Variants in AFAP1L2 observed in about 807,000 individuals in gnomAD.
The protein encoded by AFAP1L2 is actin filament associated protein 1 like 2.
Under a neutral mutation model 99.3 loss-of-function variants are expected in AFAP1L2, and 46 were observed. The observed-to-expected ratio is 0.46, with a 90% CI of 0.37 to 0.59. The LOEUF is 0.59. Ranked by LOEUF, AFAP1L2 falls within the 20% of genes least tolerant of loss-of-function variation. The pLI, the probability that AFAP1L2 is intolerant of heterozygous loss-of-function variation, is 0.00. For synonymous variants in AFAP1L2, 397 were observed against 419.1 expected (o/e 0.95, Z 0.64); for missense variants, 959 against 1,034.9 (o/e 0.93, Z 1.01).
At chr10:114,289,619 C>A in the AFAP1L2 span, 1 of 1,001,292 alleles carries the variant, frequency 1.0e-6, no homozygotes, top group Non-Finnish European at 1.5e-6. Context: ...GTGCCAGGTT[C>A]TGTGCTAAAC....
chr10:114,403,203 C>G (rs1268390701), intron 1 of AFAP1L2, among the ~76,000 whole-genome samples: 4 of 152,216 alleles, frequency 2.6e-5, no homozygotes, highest in African/African-American at 4.8e-5. Flanking sequence ...TAACCCTGTC[C>G]CCCACGCCGG....
chr10:114,354,548 G>T (rs1163402685), intron 1 of AFAP1L2, among the ~76,000 whole-genome samples: 1 of 152,180 alleles, frequency 6.6e-6, no homozygotes, highest in African/African-American at 2.4e-5. Context: ...TAGGAGAAGG[G>T]GATGTAGTTG....
chr10:114,381,385 G>A (rs1440268619), intron 1 of AFAP1L2, among the ~76,000 whole-genome samples: 1 of 152,194 alleles, frequency 6.6e-6, no homozygotes, highest in East Asian at 1.9e-4. Flanking sequence ...AGGATGAGGA[G>A]AGGAGGATGT....
chr10:114,369,845 C>T (rs1590647538), intron 1 of AFAP1L2, among the ~76,000 whole-genome samples: 2 of 152,166 alleles, frequency 1.3e-5, no homozygotes, highest in Non-Finnish European at 2.9e-5. Context: ...AAAACCTTTG[C>T]ACTTCAGTCC....
intron 5 of AFAP1L2, among the ~76,000 whole-genome samples, chr10:114,317,000 G>A (rs1409323697): frequency 6.6e-6 from 1 of 152,118 alleles, no homozygotes; most frequent in East Asian, 1.9e-4. Flanking sequence ...TCCTTGTTCT[G>A]TCCCCTTGAG....
intron 12 of AFAP1L2, 56 bp downstream of exon 12, chr10:114,302,282 GC>G: frequency 1.9e-6 from 3 of 1,610,038 alleles, no homozygotes; most frequent in Non-Finnish European, 2.5e-6. Flanking sequence ...CTGACCCAGG[GC>G]CTACAGCATG....
intron 1 of AFAP1L2, among the ~76,000 whole-genome samples, chr10:114,360,617 C>T (rs1428953898): frequency 6.6e-6 from 1 of 151,836 alleles, no homozygotes; most frequent in African/African-American, 2.4e-5. Flanking sequence ...TCTGGAGAAC[C>T]TGACTAGTAC....
At chr10:114,365,940 T>C (rs2053179780) in intron 1 of AFAP1L2, among the ~76,000 whole-genome samples, 1 of 152,054 alleles carries the variant, frequency 6.6e-6, no homozygotes, top group South Asian at 2.1e-4. Flanking sequence ...CTTGCTATAT[T>C]GCCCAGGCTA....
In AFAP1L2 at chr10:114,333,252, G is replaced by A. The variant is rs770560699; in HGVS notation, c.189C>T (p.Asn63=). 4 of 1,613,876 alleles carry A rather than the reference G, an allele frequency of 2.5e-6. No individual in the cohort carries two copies. The African/African-American group carries it at 4.0e-5, about 16-fold the overall frequency. The stretch of plus-strand genomic sequence containing the variant: ...CTTGAGACTCTGCATTCTGTTGCTT[G>A]TTGATGGTCACTTTGTTCATATAAA... ...EYIYMNKVTI[N]KQQNAESQGK... is the part of the protein sequence containing the mutation. The change falls in exon 3 of 19, where the codon AAC becomes AAT. Residue 63 remains asparagine, a synonymous_variant. Transcript: ENST00000304129.
intron 1 of AFAP1L2, among the ~76,000 whole-genome samples, chr10:114,345,096 C>CAAA (rs546367453): frequency 1.3e-5 from 1 of 78,522 alleles, no homozygotes; most frequent in Non-Finnish European, 2.7e-5. Context: ...GACTCCATCT[C>CAAA]AAAAAAAAAA....
intron 1 of AFAP1L2, among the ~76,000 whole-genome samples, chr10:114,357,574 A>G (rs2051584983): frequency 6.6e-6 from 1 of 152,216 alleles, no homozygotes; most frequent in Non-Finnish European, 1.5e-5. Flanking sequence ...CCAATATTCC[A>G]TTGAAAGCAG....
At chr10:114,370,465 T>C (rs940158971) in intron 1 of AFAP1L2, among the ~76,000 whole-genome samples, 1 of 152,226 alleles carries the variant, frequency 6.6e-6, no homozygotes, top group South Asian at 2.1e-4. Flanking sequence ...CAGCAGGCCA[T>C]ACCATTCACA....
intron 1 of AFAP1L2, among the ~76,000 whole-genome samples, chr10:114,347,550 A>T (rs537768637): frequency 6.6e-6 from 1 of 152,210 alleles, no homozygotes; most frequent in African/African-American, 2.4e-5. Flanking sequence ...ATCATGACTC[A>T]CTGCACCCTT....
At chr10:114,320,281 G>C (rs1303836189) in intron 5 of AFAP1L2, among the ~76,000 whole-genome samples, 1 of 152,198 alleles carries the variant, frequency 6.6e-6, no homozygotes, top group Non-Finnish European at 1.5e-5. Context: ...ATGACCCAGG[G>C]GAGCGGTGTG....
chr10:114,356,021 G>T (rs4391747), intron 1 of AFAP1L2, among the ~76,000 whole-genome samples: 147,996 of 152,276 alleles, frequency 0.97, 72,083 homozygotes, highest in East Asian at 1. Context: ...TGTGTGCATA[G>T]GTGTGTGTGC....
At position 114,295,341 on chromosome 10, in the gene AFAP1L2, T is replaced by G; in HGVS notation, c.*701A>C. On this transcript the variant is annotated 3_prime_UTR_variant, in exon 19 of 19. Transcript: ENST00000304129. ...ATTTTTTCCTATATATAATACAGCA[T>G]CACTTAAAATTTTATTTAAAGACAG... 1.0e-6 allele frequency: 1 copy of G among 985,426 alleles called. No individual in the cohort carries two copies. Among genetic ancestry groups the G allele is most frequent in the Non-Finnish European group, 1.2e-6 (1 of 829,526 alleles). 61.0% of individuals were successfully genotyped at this position (985,426 alleles called of 1,614,324 possible).
chr10:114,376,449 G>T (rs2054810261), intron 1 of AFAP1L2, among the ~76,000 whole-genome samples: 1 of 152,188 alleles, frequency 6.6e-6, no homozygotes, highest in Admixed American at 6.5e-5. Flanking sequence ...AGTAGCATCT[G>T]ACTAGCATAT....
chr10:114,324,640 T>C (rs1474231928), intron 4 of AFAP1L2, among the ~76,000 whole-genome samples: 3 of 152,216 alleles, frequency 2.0e-5, no homozygotes, highest in African/African-American at 7.2e-5. Flanking sequence ...CCTCCCACTC[T>C]TGATTTTGAG....
intron 1 of AFAP1L2, among the ~76,000 whole-genome samples, chr10:114,355,318 G>A (rs1477839088): frequency 2.0e-5 from 3 of 149,062 alleles, no homozygotes; most frequent in South Asian, 2.1e-4. Context: ...GCAGTGGCAC[G>A]ATCTTGGCTC....
Sources: allele counts gnomAD v4.1 joint callset (sites outside exome capture counted in the v4.1 genomes callset), GRCh38; gene constraint gnomAD v4.1.1; transcripts MANE v1.5; gene names NCBI Gene and HGNC (gene_info 2026-07-23, HGNC 2026-07-21).